The following RAMP3 variants were observed in gnomAD, a reference collection of about 807,000 sequenced individuals.
The protein encoded by RAMP3 is receptor activity-modifying protein 3.
RAMP3 carries 14 observed loss-of-function variants against 13.5 expected under a neutral mutation model. The observed-to-expected ratio is 1.04, with a 90% CI of 0.69 to 1.63. The LOEUF is 1.63. Ranked by LOEUF, RAMP3 falls within the 40% of genes most tolerant of loss-of-function variation. The pLI is 0.00. For synonymous variants in RAMP3, 106 were observed against 88.3 expected (o/e 1.20, Z -1.12); for missense variants, 200 against 204.8 (o/e 0.98, Z 0.14).
At chr7:45,161,843 G>A (rs1166954835) in intron 1 of RAMP3, among the ~76,000 whole-genome samples, 1 of 152,142 alleles carries the variant, frequency 6.6e-6, no homozygotes, top group Non-Finnish European at 1.5e-5. Context: ...GCAGGTGTGG[G>A]CACTGGCCAG....
At chr7:45,159,570 G>T (rs1036659333) in intron 1 of RAMP3, among the ~76,000 whole-genome samples, 3 of 152,218 alleles carry the variant, frequency 2.0e-5, no homozygotes, top group African/African-American at 7.2e-5. Flanking sequence ...ACTTTGCTGT[G>T]GTGCCCAGCT....
chr7:45,168,406 C>CAAAAAAA lies in RAMP3; in HGVS notation c.59-8885_59-8879dup, dbSNP rs71030854. 2.8e-3 allele frequency among the ~76,000 whole-genome samples: 197 copies of CAAAAAAA among 70,338 alleles called. 9 individuals are homozygous for CAAAAAAA. Among genetic ancestry groups the CAAAAAAA allele is most frequent in the African/African-American group, 0.01 (163 of 15,526 alleles). 46.1% of individuals were successfully genotyped at this position (70,338 alleles called of 152,430 possible). A position where few individuals can be genotyped will look rare whatever the true frequency, so the allele number is the denominator to read the frequency against. ...GGGTGACAGAGTGAGACTCTGTTTC[C>CAAAAAAA]AAAAAAAAAAAAAAAAAAAAAAAAT... is the stretch of plus-strand genomic sequence containing the variant. On this transcript the variant is annotated intron_variant, in intron 1 of 2. Transcript: ENST00000242249.
In RAMP3 at chr7:45,157,868, T is replaced by TTGA; in HGVS notation, c.42_43insATG (p.Leu14_Leu15insMet). On this transcript the variant is annotated inframe_insertion, in exon 1 of 3. Coordinates refer to ENST00000242249, the MANE Select transcript of RAMP3 (RefSeq NM_005856.3). Reference sequence around the variant, plus strand: ...GCTGCGGCGCCCGCAACTTCTCCCGTTGCTGCTGCTGCTCTGCGGTAAGGG... The same window carrying TTGA: ...GCTGCGGCGCCCGCAACTTCTCCCGTTGATGCTGCTGCTGCTCTGCGGTAAGGG... 1 of 1,408,304 alleles carries TTGA rather than the reference T, an allele frequency of 7.1e-7. No homozygotes were observed. Among genetic ancestry groups the TTGA allele is most frequent in the East Asian group, 3.0e-5 (1 of 33,362 alleles). The allele number at this position is 1,408,304 out of a possible 1,614,324, so 87.2% of individuals were successfully genotyped here. A position where few individuals can be genotyped will look rare whatever the true frequency, so the allele number is the denominator to read the frequency against.
At chr7:45,163,092 C>A in intron 1 of RAMP3, 1 of 891,486 alleles carries the variant, frequency 1.1e-6, no homozygotes, top group Non-Finnish European at 1.3e-6. Context: ...ATGTCTGAAT[C>A]ACTTGGAGGT....
chr7:45,166,165 C>T (rs1243671926), intron 1 of RAMP3, among the ~76,000 whole-genome samples: 2 of 146,540 alleles, frequency 1.4e-5, no homozygotes, highest in Non-Finnish European at 3.0e-5. Context: ...TCTGCATGTC[C>T]TCACTGACAC....
At chr7:45,177,856 C>T (rs1394225292) in intron 2 of RAMP3, among the ~76,000 whole-genome samples, 3 of 152,240 alleles carry the variant, frequency 2.0e-5, no homozygotes, top group African/African-American at 7.2e-5. Context: ...GAATCCTCCC[C>T]ATGCCTGCTT....
At chr7:45,168,851 C>A (rs1419516262) in intron 1 of RAMP3, among the ~76,000 whole-genome samples, 1 of 152,078 alleles carries the variant, frequency 6.6e-6, no homozygotes, top group East Asian at 1.9e-4. Context: ...TTGTTTTGTT[C>A]CTGATCTTAA....
At chr7:45,163,586 G>C in intron 1 of RAMP3, 1 of 985,420 alleles carries the variant, frequency 1.0e-6, no homozygotes, top group African/African-American at 1.7e-5. Flanking sequence ...GGTCAGCAGT[G>C]GTGGGAATAG....
intron 1 of RAMP3, among the ~76,000 whole-genome samples, chr7:45,172,568 T>G (rs949318673): frequency 6.6e-6 from 1 of 152,138 alleles, no homozygotes; most frequent in Non-Finnish European, 1.5e-5. Context: ...CTCTGCCTCT[T>G]TGGTTCAAGC....
intron 1 of RAMP3, among the ~76,000 whole-genome samples, chr7:45,158,538 C>T (rs1021957765): frequency 1.3e-5 from 2 of 152,150 alleles, no homozygotes; most frequent in East Asian, 1.9e-4. Flanking sequence ...TTTGAAGTAC[C>T]TTGCTAAAGA....
chr7:45,172,600 C>G (rs7795290), intron 1 of RAMP3, among the ~76,000 whole-genome samples: 1 of 151,986 alleles, frequency 6.6e-6, no homozygotes, highest in African/African-American at 2.4e-5. Context: ...CTCAGCTTCC[C>G]GAGTAGGTGG....
At position 45,157,850 on chromosome 7, in the gene RAMP3, C is replaced by A; in HGVS notation, c.22C>A (p.Arg8Ser). Residue 8 changes from arginine (R) to serine (S), a missense_variant, in exon 1 of 3, where the codon CGC becomes AGC. Arg to Ser is a moderately radical substitution (Grantham distance 110). Coordinates refer to ENST00000242249, the MANE Select transcript of RAMP3 (RefSeq NM_005856.3). ...AGCCATGGAGACTGGAGCGCTGCGG[C>A]GCCCGCAACTTCTCCCGTTGCTGCT... Reference protein sequence around the residue: METGALRRPQLLPLLLLL... With the variant: METGALRSPQLLPLLLLL... 7.0e-7 allele frequency: 1 copy of A among 1,422,550 alleles called. No individual in the cohort carries two copies. The highest frequency in any genetic ancestry group is 3.0e-5 in the Admixed American group (1 of 33,154). 88.1% of individuals were successfully genotyped at this position (1,422,550 alleles called of 1,614,324 possible).
intron 1 of RAMP3, among the ~76,000 whole-genome samples, chr7:45,171,693 G>A (rs13242805): frequency 0.26 from 39,878 of 151,940 alleles, 6,358 homozygotes; most frequent in African/African-American, 0.44. Flanking sequence ...TGTAGCCTCA[G>A]ACTCCTGGGT....
chr7:45,166,071 AT>A (rs1785955062), intron 1 of RAMP3, among the ~76,000 whole-genome samples: 2 of 152,300 alleles, frequency 1.3e-5, no homozygotes, highest in East Asian at 3.9e-4. Context: ...TACGTTTAAC[AT>A]TTTGAGAAAC....
intron 1 of RAMP3, among the ~76,000 whole-genome samples, chr7:45,170,501 C>A (rs938147188): frequency 7.9e-5 from 12 of 152,002 alleles, no homozygotes; most frequent in Admixed American, 2.0e-4. Flanking sequence ...CCATGCTTGG[C>A]TAATTTTTTG....
intron 1 of RAMP3, among the ~76,000 whole-genome samples, chr7:45,176,884 G>A (rs371918483): frequency 7.9e-5 from 12 of 152,274 alleles, no homozygotes; most frequent in African/African-American, 1.2e-4. Context: ...CTCCTCTGCC[G>A]CCCCTGCAGG....
rs748602988 is a variant in RAMP3, at chr7:45,157,805, T to G, written c.-24T>G. The G allele has an allele frequency of 1.1e-4, 134 of 1,218,038 alleles. No homozygotes were observed. The African/African-American group carries it at 1.5e-3, about 14-fold the overall frequency. The allele number at this position is 1,218,038 out of a possible 1,614,324, so 75.5% of individuals were successfully genotyped here. A position where few individuals can be genotyped will look rare whatever the true frequency, so the allele number is the denominator to read the frequency against. ...GCCGCGCCCCCAGCGGGACCGAGCG[T>G]GACCCAGCTGCGGCCGGCCAGCCAT... On this transcript the variant is annotated 5_prime_UTR_variant, in exon 1 of 3. Transcript: ENST00000242249.
At position 45,182,428 on chromosome 7, in the gene RAMP3, T is replaced by C. The variant is rs370302087; in HGVS notation, c.192-729T>C. Among the ~76,000 whole-genome samples the C allele has an allele frequency of 1.1e-4, 16 of 152,100 alleles. No homozygotes were observed. In the East Asian group the frequency reaches 2.3e-3, roughly 22 times the overall value. On this transcript the variant is annotated intron_variant, in intron 2 of 2. Transcript: ENST00000242249. ...TGGCTGGGAAGTCCTTTATGCTGAG[T>C]TGACCTCTGGGTCTTGGTGGCTATA... is the stretch of plus-strand genomic sequence containing the variant.
At chr7:45,175,235 A>T (rs927215644) in intron 1 of RAMP3, among the ~76,000 whole-genome samples, 8 of 152,030 alleles carry the variant, frequency 5.3e-5, no homozygotes, top group African/African-American at 1.9e-4. Flanking sequence ...GCCCTGAAAC[A>T]CCTGTTCTGG....
Sources: allele counts gnomAD v4.1 joint callset (sites outside exome capture counted in the v4.1 genomes callset), GRCh38; gene constraint gnomAD v4.1.1; transcripts MANE v1.5; gene names NCBI Gene and HGNC (gene_info 2026-07-23, HGNC 2026-07-21).